Variants in CTBS observed in about 807,000 individuals in gnomAD.
The protein encoded by CTBS is chitobiase.
Under a neutral mutation model 44.3 loss-of-function variants are expected in CTBS, and 35 were observed. The ratio of observed to expected loss-of-function variants is 0.79; its 90% CI spans 0.60 to 1.05. CTBS has a LOEUF of 1.05. CTBS is among the 50% of genes least tolerant of loss of function. The pLI, the probability that CTBS is intolerant of heterozygous loss-of-function variation, is 0.00. For synonymous variants in CTBS, 143 were observed against 168.0 expected, an observed-to-expected ratio of 0.85 and a Z score of 1.15; for missense variants, 458 against 475.3, an observed-to-expected ratio of 0.96 and a Z score of 0.34.
At chr1:84,556,548 T>TA (rs11417376) in intron 6 of CTBS, among the ~76,000 whole-genome samples, 60,741 of 151,354 alleles carry the variant, frequency 0.4, 14,744 homozygotes, top group African/African-American at 0.69. Context: ...CCATCTTTAC[T>TA]AAAATACAAA....
chr1:84,563,956 T>C, intron 4 of CTBS, 124 bp from the exon 5 acceptor site: 1 of 1,093,888 alleles, frequency 9.1e-7, no homozygotes, highest in Non-Finnish European at 1.2e-6. Flanking sequence ...ACACTAATAT[T>C]GTTTAATATG....
chr1:84,557,533 CAAAAAAAAAAAAAAAA>C (rs56101174), intron 6 of CTBS, among the ~76,000 whole-genome samples: 2 of 55,438 alleles, frequency 3.6e-5, no homozygotes, highest in Non-Finnish European at 7.1e-5. Context: ...AACTCCATCT[CAAAAAAAAAAAAAAAA>C]AAAAGAAAAA....
At position 84,550,441 on chromosome 1, in the gene CTBS, A is replaced by G. The variant is rs778287169; in HGVS notation, c.*4558T>C. ...CTATCTATCCACACAGAATTACCTA[A>G]TAATCCAGATCACTGAGGTACAGCA... On this transcript the variant is annotated 3_prime_UTR_variant, in exon 7 of 7. Coordinates refer to ENST00000370630, the MANE Select transcript of CTBS (RefSeq NM_004388.3). 8.5e-6 allele frequency: 13 copies of G among 1,535,582 alleles called. No individual in the cohort carries two copies. Among genetic ancestry groups the G allele is most frequent in the Admixed American group, 1.9e-5 (1 of 52,110 alleles).
intron 5 of CTBS, 55 bp downstream of exon 5, chr1:84,563,680 G>A (rs1684635935): frequency 9.7e-7 from 1 of 1,029,458 alleles, no homozygotes; most frequent in Non-Finnish European, 1.4e-6. Context: ...AAAACAGAGA[G>A]ACTCTAAAAA....
At chr1:84,557,519 A>G (rs1380690920) in intron 6 of CTBS, among the ~76,000 whole-genome samples, 1 of 140,700 alleles carries the variant, frequency 7.1e-6, no homozygotes, top group African/African-American at 2.7e-5. Context: ...GGCGAAAAGA[A>G]CAAAACTCCA....
At chr1:84,557,707 A>C (rs1475009087) in intron 6 of CTBS, among the ~76,000 whole-genome samples, 2 of 151,164 alleles carry the variant, frequency 1.3e-5, no homozygotes, top group Admixed American at 6.6e-5. Flanking sequence ...AATACAAAAA[A>C]ATTAGCCAGG....
At chr1:84,568,341 G>A (rs2911588) in intron 3 of CTBS, among the ~76,000 whole-genome samples, 46,636 of 151,450 alleles carry the variant, frequency 0.31, 7,851 homozygotes, top group African/African-American at 0.44. Flanking sequence ...GTGTGAGGAG[G>A]AGAAGGGGTA....
chr1:84,557,892 C>G (rs1407873393), intron 6 of CTBS, among the ~76,000 whole-genome samples: 2 of 151,058 alleles, frequency 1.3e-5, no homozygotes, highest in Admixed American at 6.6e-5. Context: ...ACAGTTATAA[C>G]TAGATTTTTT....
chr1:84,560,418 A>G (rs1056353662), intron 6 of CTBS, among the ~76,000 whole-genome samples: 1 of 152,144 alleles, frequency 6.6e-6, no homozygotes, highest in East Asian at 1.9e-4. Context: ...GCATTAGCTC[A>G]TGCCCTTTAT....
chr1:84,573,849 T>C (rs12738101), intron 1 of CTBS: 3 of 1,064,590 alleles, frequency 2.8e-6, no homozygotes, highest in Middle Eastern at 4.4e-4. Flanking sequence ...TCTAATGTAC[T>C]GTTGGAGTGC....
chr1:84,560,100 AGAAAGAAAG>A (rs1487344064), intron 6 of CTBS, among the ~76,000 whole-genome samples: 121 of 17,088 alleles, frequency 7.1e-3, no homozygotes, highest in Middle Eastern at 0.028. Flanking sequence ...AAAAAAAAAA[AGAAAGAAAG>A]AAAGAAAGAA....
intron 3 of CTBS, 44 bp from the exon 4 acceptor site, chr1:84,566,056 T>G: frequency 1.4e-5 from 17 of 1,203,278 alleles, no homozygotes; most frequent in Non-Finnish European, 1.8e-5. Context: ...TGATCACGTG[T>G]GCATATTACG....
chr1:84,558,680 CACT>C (rs1215110782), intron 6 of CTBS, among the ~76,000 whole-genome samples: 16 of 151,348 alleles, frequency 1.1e-4, no homozygotes, highest in African/African-American at 3.6e-4. Flanking sequence ...GTGGGAGAAT[CACT>C]TGAGGCCAGG....
At chr1:84,559,943 G>A (rs771574830) in intron 6 of CTBS, among the ~76,000 whole-genome samples, 7 of 151,744 alleles carry the variant, frequency 4.6e-5, no homozygotes, top group Admixed American at 1.3e-4. Context: ...AAATTAGCCC[G>A]GCATAGTGGC....
intron 1 of CTBS, among the ~76,000 whole-genome samples, chr1:84,571,559 T>G (rs908120401): frequency 6.6e-6 from 1 of 152,240 alleles, no homozygotes; most frequent in African/African-American, 2.4e-5. Context: ...CACAGAAGCC[T>G]CACTGATTAT....
intron 2 of CTBS, 57 bp from the exon 3 acceptor site, chr1:84,570,196 G>A: frequency 1.4e-6 from 2 of 1,459,000 alleles, no homozygotes; most frequent in Non-Finnish European, 1.9e-6. Flanking sequence ...CATTATTTTG[G>A]AAGACTAAGC....
chr1:84,570,743 C>T, intron 1 of CTBS, 23 bp from the exon 2 acceptor site: 1 of 1,607,108 alleles, frequency 6.2e-7, no homozygotes, highest in Non-Finnish European at 8.5e-7. Flanking sequence ...AGATGAGCAC[C>T]ATCATTTAAA....
At position 84,569,972 on chromosome 1, in the gene CTBS, CT is replaced by C; in HGVS notation, c.483del (p.Glu162LysfsTer15). On this transcript the variant is annotated frameshift_variant, in exon 3 of 7. Transcript: ENST00000370630. LOFTEE classifies it high-confidence loss of function. ...PEYDALTALV[K>X]ETTDSFHREI... The stretch of plus-strand genomic sequence containing the variant: ...TCACGATGGAAAGAGTCTGTAGTTT[CT>C]TTGACTAAAGCAGTTAATGCATCAT... The C allele has an allele frequency of 1.2e-6, 2 of 1,612,380 alleles. No individual in the cohort carries two copies. Among genetic ancestry groups the C allele is most frequent in the South Asian group, 2.2e-5 (2 of 90,944 alleles).
In CTBS at chr1:84,553,557, T is replaced by C. The variant is rs1326088697; in HGVS notation, c.*1442A>G. ...CTTAATTAAAAGAAATCTGGAAATA[T>C]AAAAGAATGGGGGTATTGAAGTTGC... On this transcript the variant is annotated 3_prime_UTR_variant, in exon 7 of 7. Transcript: ENST00000370630. The C allele has an allele frequency of 6.6e-6, 1 of 152,130 alleles. No homozygotes were observed. Among genetic ancestry groups the C allele is most frequent in the Non-Finnish European group, 1.5e-5 (1 of 68,032 alleles). The allele number at this position is 152,130 out of a possible 1,614,324, so 9.4% of individuals were successfully genotyped here.
Sources: gnomAD v4.1 joint callset for allele counts (sites outside exome capture counted in the v4.1 genomes callset) on GRCh38, gnomAD v4.1.1 for gene constraint, MANE v1.5 for transcripts, NCBI Gene and HGNC (gene_info 2026-07-23, HGNC 2026-07-21) for gene names.